Variants in ARMH3 observed in about 807,000 individuals in gnomAD.
ARMH3 encodes the protein armadillo-like helical domain-containing protein 3.
A neutral mutation model predicts 99.1 loss-of-function variants in ARMH3; 60 were observed. That is an observed-to-expected ratio of 0.61 (90% CI 0.49 to 0.75). ARMH3 has a LOEUF of 0.75. Ranked by LOEUF, ARMH3 falls within the 30% of genes least tolerant of loss-of-function variation. The pLI, the probability that ARMH3 is intolerant of heterozygous loss-of-function variation, is 0.00. For missense variants in ARMH3, 679 were observed against 843.1 expected, an observed-to-expected ratio of 0.81 and a Z score of 2.41; for synonymous variants, 285 against 292.8, an observed-to-expected ratio of 0.97 and a Z score of 0.27.
Position 102,051,931 on chromosome 10 carries a change from C to T in ARMH3, c.-12+4154G>A, listed in dbSNP as rs192544639. ...ATCCTACACAAGAAGGAAGGCATTCCTCCTTCCGAAGGGGGAACCAGCTCC... is the reference window on the plus strand; with the variant it reads ...ATCCTACACAAGAAGGAAGGCATTCTTCCTTCCGAAGGGGGAACCAGCTCC... On this transcript the variant is annotated intron_variant, in intron 1 of 25. Coordinates refer to ENST00000370033, the MANE Select transcript of ARMH3 (RefSeq NM_024541.3). Among the ~76,000 whole-genome samples, 32 of 152,276 alleles carry T rather than the reference C, an allele frequency of 2.1e-4. No individual in the cohort carries two copies. In the East Asian group the frequency reaches 5.0e-3, roughly 24 times the overall value.
chr10:101,995,276 C>A lies in ARMH3; in HGVS notation c.1209+21G>T. On this transcript the variant is annotated intron_variant, in intron 16 of 25. Coordinates refer to ENST00000370033, the MANE Select transcript of ARMH3 (RefSeq NM_024541.3). ...CACTTTGTAAAAGACTGCCTAATAG[C>A]AGAAGGCTCGTGAGACCTACCTCTG... The A allele has an allele frequency of 2.5e-6, 4 of 1,607,206 alleles. No individual in the cohort carries two copies. The South Asian group carries it at 4.4e-5, about 18-fold the overall frequency.
chr10:101,909,019 GAAAGATTTTTAA>G (rs1043218548), intron 23 of ARMH3, among the ~76,000 whole-genome samples: 6 of 151,868 alleles, frequency 4.0e-5, no homozygotes, highest in African/African-American at 1.5e-4. Context: ...AGTAAGTATT[GAAAGATTTTTAA>G]ATTTAAAAGT....
chr10:102,014,635 G>GA (rs1277866587), intron 8 of ARMH3, among the ~76,000 whole-genome samples: 1 of 151,898 alleles, frequency 6.6e-6, no homozygotes, highest in Non-Finnish European at 1.5e-5. Context: ...AGGGAGAACT[G>GA]AAAAAAAGGA....
intron 12 of ARMH3, among the ~76,000 whole-genome samples, 166 bp from the exon 13 acceptor site, chr10:102,009,615 G>A (rs1173852778): frequency 1.3e-5 from 2 of 152,172 alleles, no homozygotes; most frequent in Non-Finnish European, 2.9e-5. Context: ...AAAGTGTATA[G>A]GCAGGAGTCA....
intron 6 of ARMH3, 92 bp from the exon 7 acceptor site, chr10:102,023,841 T>G: frequency 8.3e-7 from 1 of 1,201,290 alleles, no homozygotes; most frequent in Non-Finnish European, 1.2e-6. Flanking sequence ...GAAACAAAAA[T>G]ATTAAAATAT....
intron 15 of ARMH3, among the ~76,000 whole-genome samples, chr10:101,996,144 A>G (rs1038889509): frequency 6.6e-6 from 1 of 152,250 alleles, no homozygotes; most frequent in Non-Finnish European, 1.5e-5. Flanking sequence ...AGCTTATGTT[A>G]CTTTCCAGAA....
intron 23 of ARMH3, chr10:101,913,359 CTCTTTTTTTTT>C (rs1184717181): frequency 9.8e-6 from 1 of 101,930 alleles, no homozygotes; most frequent in East Asian, 3.5e-4. Flanking sequence ...CTCTCTCTCT[CTCTTTTTTTTT>C]TTTTTTTTTT....
intron 23 of ARMH3, among the ~76,000 whole-genome samples, chr10:101,910,545 C>G (rs775892080): frequency 6.6e-6 from 1 of 151,900 alleles, no homozygotes; most frequent in South Asian, 2.1e-4. Context: ...GCCTGGCCAA[C>G]ATGGCAAAAC....
At chr10:101,921,817 G>A (rs907924625) in intron 23 of ARMH3, among the ~76,000 whole-genome samples, 1 of 152,178 alleles carries the variant, frequency 6.6e-6, no homozygotes, top group Non-Finnish European at 1.5e-5. Flanking sequence ...TGACACCAGA[G>A]GCTGGCTGGG....
At position 101,849,805 on chromosome 10, in the gene ARMH3, G is replaced by A. The variant is rs1320588933; in HGVS notation, c.1948C>T (p.His650Tyr). 3.1e-6 allele frequency: 5 copies of A among 1,614,046 alleles called. No individual in the cohort carries two copies. Among genetic ancestry groups the A allele is most frequent in the Admixed American group, 1.7e-5 (1 of 60,000 alleles). ...LDQYERYSEQ[H>Y]KEAAFFKELV... ...TCTTTGAAGAAGGCAGCTTCCTTGTGCTGCTCTGAGTAGCGCTCATACTGG... is the reference window on the plus strand; with the variant it reads ...TCTTTGAAGAAGGCAGCTTCCTTGTACTGCTCTGAGTAGCGCTCATACTGG... Residue 650 changes from histidine (H) to tyrosine (Y), a missense_variant, in exon 25 of 26, where the codon CAC becomes TAC. By Grantham distance (83) the His-to-Tyr change is moderately conservative (BLOSUM62 2). Transcript: ENST00000370033.
chr10:101,944,263 TATATATATATAGAGAGAGAG>T (rs1481542966), intron 22 of ARMH3, among the ~76,000 whole-genome samples: 4 of 64,178 alleles, frequency 6.2e-5, no homozygotes, highest in Non-Finnish European at 8.2e-5. Flanking sequence ...TATATATATA[TATATATATATAGAGAGAGAG>T]AGAGAGAGAG....
rs2066451623 is a variant in ARMH3, at chr10:101,845,658, C to T, written c.*1870G>A. 6.6e-6 allele frequency: 1 copy of T among 152,260 alleles called. No individual in the cohort carries two copies. The highest frequency in any genetic ancestry group is 2.1e-4 in the South Asian group (1 of 4,832). The allele number at this position is 152,260 out of a possible 1,614,324, so 9.4% of individuals were successfully genotyped here. A position where few individuals can be genotyped will look rare whatever the true frequency, so the allele number is the denominator to read the frequency against. ...AACTTGCCACCAGCTCCAAATCCAG[C>T]TGCCTTGGGGATTTATCACCAGGGA... On this transcript the variant is annotated 3_prime_UTR_variant, in exon 26 of 26. Transcript: ENST00000370033.
intron 22 of ARMH3, among the ~76,000 whole-genome samples, chr10:101,942,084 C>A (rs534730168): frequency 6.6e-6 from 1 of 152,136 alleles, no homozygotes; most frequent in African/African-American, 2.4e-5. Flanking sequence ...CACTACATTT[C>A]CTTTGGAAAC....
chr10:102,001,149 G>C (rs1434083831), intron 15 of ARMH3, among the ~76,000 whole-genome samples: 1 of 151,980 alleles, frequency 6.6e-6, no homozygotes, highest in African/African-American at 2.4e-5. Flanking sequence ...TATGGAAGTA[G>C]GTAATGCAAC....
chr10:101,892,653 C>T lies in ARMH3; in HGVS notation c.1782-3163G>A, dbSNP rs916264262. On this transcript the variant is annotated intron_variant, in intron 23 of 25. Transcript: ENST00000370033. ...CCAATCCCAGCACTTATCATAGTAC[C>T]TGGGAATAGTCTATTGCAGCCATAT... 1.5e-4 allele frequency among the ~76,000 whole-genome samples: 23 copies of T among 152,030 alleles called. 1 individual carries two copies. The highest frequency in any genetic ancestry group is 1.0e-3 in the South Asian group (5 of 4,818).
intron 20 of ARMH3, among the ~76,000 whole-genome samples, chr10:101,965,008 T>A (rs1293949576): frequency 4.6e-5 from 7 of 151,730 alleles, no homozygotes; most frequent in Non-Finnish European, 1.5e-5. Flanking sequence ...TGAGACTCCA[T>A]CTCAAAAAAA....
intron 20 of ARMH3, 86 bp from the exon 21 acceptor site, chr10:101,957,818 A>G (rs1845109462): frequency 6.8e-7 from 1 of 1,479,448 alleles, no homozygotes; most frequent in Non-Finnish European, 8.9e-7. Flanking sequence ...TCTAAAAAAA[A>G]TCCAGAAGGT....
chr10:101,953,803 T>C (rs1844907327), intron 22 of ARMH3, among the ~76,000 whole-genome samples: 1 of 152,120 alleles, frequency 6.6e-6, no homozygotes, highest in Admixed American at 6.6e-5. Flanking sequence ...AACATGCATT[T>C]TGGAAAACGG....
rs2066372939 is a variant in ARMH3 at position 102,002,016 on chromosome 10, T to A, written c.1105A>T (p.Ile369Leu). 1.2e-6 allele frequency: 2 copies of A among 1,614,102 alleles called. No individual in the cohort carries two copies. The highest frequency in any genetic ancestry group is 1.1e-5 in the South Asian group (1 of 91,086). ...DADVQTSNLLITFLKYSSIVM... is the reference protein window; with the variant it reads ...DADVQTSNLLLTFLKYSSIVM... ...ATTGAGCTATACTTTAAAAAGGTTATCAGTAGATTACTGGTCTGTACATCT... is the reference window on the plus strand; with the variant it reads ...ATTGAGCTATACTTTAAAAAGGTTAACAGTAGATTACTGGTCTGTACATCT... Residue 369 changes from isoleucine (I) to leucine (L), a missense_variant, in exon 15 of 26, where the codon ATA becomes TTA. By Grantham distance (5) the Ile-to-Leu change is conservative (BLOSUM62 2). This residue lies in a region of ARMH3 where 389 missense variants were observed against 456.5 expected (regional missense o/e 0.85). Transcript: ENST00000370033.
Sources: gnomAD v4.1 joint callset for allele counts (sites outside exome capture counted in the v4.1 genomes callset) on GRCh38, gnomAD v4.1.1 for gene constraint, gnomAD v4.1.1 regional missense constraint, MANE v1.5 for transcripts, NCBI Gene and HGNC (gene_info 2026-07-23, HGNC 2026-07-21) for gene names.